LARGE1: variants seen among roughly 807,000 people sequenced by gnomAD.
LARGE1 encodes the protein LARGE xylosyl- and glucuronyltransferase 1, also known as xylosyl- and glucuronyltransferase LARGE1.
In LARGE1, 43 loss-of-function variants were observed where a neutral mutation model predicts 87.6. The observed-to-expected ratio is 0.49, with a 90% confidence interval of 0.38 to 0.63. The LOEUF is 0.63. Ranked by LOEUF, LARGE1 falls within the 30% of genes least tolerant of loss-of-function variation. The pLI is 0.00. For missense variants in LARGE1, 802 were observed against 1,000.2 expected (o/e 0.80, Z 2.67); for synonymous variants, 434 against 394.6 (o/e 1.10, Z -1.18).
chr22:33,595,642 A>G (rs1159803921), intron 5 of LARGE1, among the ~76,000 whole-genome samples: 1 of 152,224 alleles, frequency 6.6e-6, no homozygotes, highest in Non-Finnish European at 1.5e-5. Context: ...AGAAGAAGAG[A>G]GGACTCAGTA....
intron 12 of LARGE1, among the ~76,000 whole-genome samples, chr22:33,298,140 G>A (rs1204131640): frequency 6.6e-6 from 1 of 152,150 alleles, no homozygotes; most frequent in Non-Finnish European, 1.5e-5. Context: ...TCCTCATTTA[G>A]AGACCTTCAG....
At chr22:33,171,133 G>A (rs1025115358) in intron 11 of LARGE1, among the ~76,000 whole-genome samples, 22 of 152,122 alleles carry the variant, frequency 1.4e-4, no homozygotes, top group Non-Finnish European at 5.9e-5. Context: ...TTAAACTTGA[G>A]TGAGATAATT....
exon 12 of LARGE1, chr22:33,163,558 T>A (rs1922112498): frequency 6.6e-6 from 1 of 152,242 alleles, no homozygotes; most frequent in Non-Finnish European, 1.5e-5. Context: ...ATACAGACGA[T>A]GGCATGGGCT....
chr22:33,748,534 G>A (rs992399731), intron 2 of LARGE1, among the ~76,000 whole-genome samples: 4 of 152,134 alleles, frequency 2.6e-5, no homozygotes, highest in Admixed American at 1.3e-4. Flanking sequence ...CCATGGACTC[G>A]TTTTCATCTT....
chr22:33,511,151 C>T (rs931896947), intron 6 of LARGE1, among the ~76,000 whole-genome samples: 5 of 152,210 alleles, frequency 3.3e-5, no homozygotes, highest in Non-Finnish European at 5.9e-5. Flanking sequence ...GATGTTTCCA[C>T]ATGTGGCAGC....
intron 11 of LARGE1, among the ~76,000 whole-genome samples, chr22:33,313,828 G>T (rs1935863883): frequency 6.6e-6 from 1 of 152,156 alleles, no homozygotes; most frequent in Admixed American, 6.5e-5. Context: ...CTGAGACCCT[G>T]GGCAGAGGGC....
intron 2 of LARGE1, among the ~76,000 whole-genome samples, chr22:33,674,246 C>T (rs1276443411): frequency 6.6e-6 from 1 of 152,138 alleles, no homozygotes; most frequent in Non-Finnish European, 1.5e-5. Context: ...ACCCAGCCAA[C>T]TTCCCATTCT....
downstream of LARGE1, among the ~76,000 whole-genome samples, chr22:33,158,088 A>G (rs1921924036): frequency 6.6e-6 from 1 of 152,178 alleles, no homozygotes; most frequent in African/African-American, 2.4e-5. Context: ...TTTAAAATAT[A>G]TGAGTGTGTA....
chr22:33,729,867 T>TC (rs1026799414), intron 2 of LARGE1, among the ~76,000 whole-genome samples: 1 of 152,172 alleles, frequency 6.6e-6, no homozygotes, highest in Non-Finnish European at 1.5e-5. Context: ...TTACCCGTTC[T>TC]CCCCTCATCA....
chr22:33,256,495 A>G (rs1425130089), intron 11 of LARGE1, among the ~76,000 whole-genome samples: 2 of 152,160 alleles, frequency 1.3e-5, no homozygotes, highest in South Asian at 2.1e-4. Flanking sequence ...GGGATAATTA[A>G]TCTCTTTTCT....
chr22:33,151,619 C>A, the LARGE1 span, among the ~76,000 whole-genome samples: 1 of 152,166 alleles, frequency 6.6e-6, no homozygotes, highest in South Asian at 2.1e-4. Context: ...GAAGTTCAAG[C>A]TATTCTTAGT....
chr22:33,486,310 C>T (rs2069570540), intron 6 of LARGE1, among the ~76,000 whole-genome samples: 1 of 152,196 alleles, frequency 6.6e-6, no homozygotes, highest in African/African-American at 2.4e-5. Flanking sequence ...GTTCCTGGGG[C>T]TCTAGACCAA....
intron 5 of LARGE1, among the ~76,000 whole-genome samples, chr22:33,593,868 T>C (rs1224082980): frequency 1.3e-5 from 2 of 152,142 alleles, no homozygotes; most frequent in African/African-American, 2.4e-5. Context: ...CACAGATGAG[T>C]TGCTGTTTTA....
intron 3 of LARGE1, among the ~76,000 whole-genome samples, chr22:33,650,123 C>T (rs1352666671): frequency 6.6e-6 from 1 of 152,184 alleles, no homozygotes; most frequent in East Asian, 1.9e-4. Flanking sequence ...GTGAGCTCCT[C>T]TTAATATCTG....
At chr22:33,753,604 T>G (rs2145659803) in intron 2 of LARGE1, among the ~76,000 whole-genome samples, 1 of 152,210 alleles carries the variant, frequency 6.6e-6, no homozygotes, top group Non-Finnish European at 1.5e-5. Flanking sequence ...CTCATACAAG[T>G]TGCATGTTGG....
chr22:33,713,850 G>A (rs2082818719), intron 2 of LARGE1, among the ~76,000 whole-genome samples: 1 of 152,100 alleles, frequency 6.6e-6, no homozygotes. Flanking sequence ...CAGCTATTTA[G>A]GAGGCTGAGG....
chr22:33,511,794 G>C (rs935599137), intron 6 of LARGE1, among the ~76,000 whole-genome samples: 1 of 152,164 alleles, frequency 6.6e-6, no homozygotes, highest in African/African-American at 2.4e-5. Flanking sequence ...TCCACGAAAC[G>C]AAATGTCATT....
chr22:33,508,573 G>A (rs2070876421), intron 6 of LARGE1, among the ~76,000 whole-genome samples: 1 of 152,112 alleles, frequency 6.6e-6, no homozygotes. Context: ...CTGTCATGTG[G>A]TGATCTCATT....
intron 1 of LARGE1, among the ~76,000 whole-genome samples, chr22:33,816,486 G>C (rs1448718984): frequency 6.6e-6 from 1 of 152,036 alleles, no homozygotes; most frequent in Non-Finnish European, 1.5e-5. Context: ...ATTTTTAAGG[G>C]CACTAATCCC....
Sources: allele counts gnomAD v4.1 joint callset (sites outside exome capture counted in the v4.1 genomes callset), GRCh38; gene constraint gnomAD v4.1.1; transcripts MANE v1.5; gene names NCBI Gene and HGNC (gene_info 2026-07-23, HGNC 2026-07-21).